Variants in SH3RF1 observed in about 807,000 individuals in gnomAD.
SH3RF1 encodes the protein E3 ubiquitin-protein ligase SH3RF1.
SH3RF1 carries 32 observed loss-of-function variants against 74.0 expected under a neutral mutation model. That is an observed-to-expected ratio of 0.43 (90% CI 0.33 to 0.58). The LOEUF (loss-of-function observed/expected upper bound fraction) is 0.58. SH3RF1 is among the 20% of genes least tolerant of loss of function. The pLI, the probability that SH3RF1 is intolerant of heterozygous loss-of-function variation, is 0.05. For synonymous variants in SH3RF1, 396 were observed against 439.6 expected, an observed-to-expected ratio of 0.90 and a Z score of 1.24; for missense variants, 954 against 1,130.9, an observed-to-expected ratio of 0.84 and a Z score of 2.24.
intron 2 of SH3RF1, among the ~76,000 whole-genome samples, chr4:169,234,181 A>T (rs1432297031): frequency 8.5e-5 from 13 of 152,240 alleles, no homozygotes; most frequent in Admixed American, 7.8e-4. Context: ...AACGTGTGAC[A>T]ATGTCAATTT....
intron 2 of SH3RF1, among the ~76,000 whole-genome samples, chr4:169,208,497 T>C (rs1730300491): frequency 6.6e-6 from 1 of 152,240 alleles, no homozygotes; most frequent in Non-Finnish European, 1.5e-5. Context: ...CTTAAAAATA[T>C]GAGTGTATGT....
rs377302343 is a variant in SH3RF1, at chr4:169,268,828, G to A, written c.385C>T (p.Pro129Ser). Residue 129 changes from proline (P) to serine (S), a missense_variant, in exon 2 of 12, where the codon CCA becomes TCA. Physicochemically the swap from Pro to Ser is moderately conservative, Grantham distance 74. Around this residue, in one of 3 missense-constraint regions of SH3RF1, gnomAD observed 854 missense variants for 962.5 expected, o/e 0.89. Coordinates refer to ENST00000284637, the MANE Select transcript of SH3RF1 (RefSeq NM_020870.4). ...CTCTGTAGGCTACTTACCCTCACTG[G>A]GGGGCTCCAGGATTGCACCCGAGGC... ...QQPRVQSWSPPVRGIPQLPCA... is the reference protein window; with the variant it reads ...QQPRVQSWSPSVRGIPQLPCA... 1 of 1,593,436 alleles carries A rather than the reference G, an allele frequency of 6.3e-7. No individual in the cohort carries two copies. Among genetic ancestry groups the A allele is most frequent in the Non-Finnish European group, 8.5e-7 (1 of 1,171,384 alleles).
At chr4:169,152,079 T>C (rs577287962) in intron 4 of SH3RF1, among the ~76,000 whole-genome samples, 3 of 152,274 alleles carry the variant, frequency 2.0e-5, no homozygotes, top group Admixed American at 6.5e-5. Flanking sequence ...ATTCAGTCCT[T>C]AAAAAATATA....
At chr4:169,135,507 C>T (rs1365612171) in intron 5 of SH3RF1, among the ~76,000 whole-genome samples, 1 of 152,160 alleles carries the variant, frequency 6.6e-6, no homozygotes. Context: ...GAACAAAATA[C>T]AGCCATCACC....
At chr4:169,212,710 A>C (rs1016583302) in intron 2 of SH3RF1, among the ~76,000 whole-genome samples, 1 of 152,150 alleles carries the variant, frequency 6.6e-6, no homozygotes, top group Non-Finnish European at 1.5e-5. Flanking sequence ...AAGCATCATC[A>C]ACCTAAGTCC....
intron 2 of SH3RF1, among the ~76,000 whole-genome samples, chr4:169,225,759 T>C (rs1049113913): frequency 6.6e-6 from 1 of 151,978 alleles, no homozygotes; most frequent in Non-Finnish European, 1.5e-5. Context: ...TGAGGGTAGG[T>C]TGGGTGAGTG....
At chr4:169,113,012 TAGC>T (rs1454648483) in intron 10 of SH3RF1, among the ~76,000 whole-genome samples, 1 of 152,030 alleles carries the variant, frequency 6.6e-6, no homozygotes, top group Non-Finnish European at 1.5e-5. Context: ...CAGAGAAAAA[TAGC>T]AGAAGAAATG....
intron 2 of SH3RF1, among the ~76,000 whole-genome samples, chr4:169,184,785 G>C (rs973396335): frequency 1.3e-5 from 2 of 152,154 alleles, no homozygotes; most frequent in Non-Finnish European, 2.9e-5. Context: ...CTGCACTCTA[G>C]GGTGTACAAT....
At chr4:169,118,830 G>A (rs949036987) in intron 8 of SH3RF1, among the ~76,000 whole-genome samples, 4 of 152,150 alleles carry the variant, frequency 2.6e-5, no homozygotes, top group Non-Finnish European at 5.9e-5. Flanking sequence ...CAGGGCCAGT[G>A]TGAAATAACT....
intron 8 of SH3RF1, 118 bp from the exon 9 acceptor site, chr4:169,117,900 T>C: frequency 8.1e-7 from 1 of 1,231,078 alleles, no homozygotes; most frequent in Middle Eastern, 2.0e-4. Flanking sequence ...AAAAAATGAA[T>C]GGAATTATTT....
intron 2 of SH3RF1, among the ~76,000 whole-genome samples, chr4:169,212,042 T>TTTTTC (rs1472989111): frequency 7.3e-5 from 11 of 150,072 alleles, no homozygotes; most frequent in Admixed American, 2.0e-4. Context: ...TTCTAATTTT[T>TTTTTC]TTTTCTTTTC....
At chr4:169,227,521 T>C (rs1180085150) in intron 2 of SH3RF1, among the ~76,000 whole-genome samples, 1 of 152,268 alleles carries the variant, frequency 6.6e-6, no homozygotes, top group African/African-American at 2.4e-5. Flanking sequence ...GAACTTGTAA[T>C]GGAGCCCACA....
chr4:169,249,267 T>C (rs1350779280), intron 2 of SH3RF1, among the ~76,000 whole-genome samples: 1 of 152,110 alleles, frequency 6.6e-6, no homozygotes, highest in African/African-American at 2.4e-5. Flanking sequence ...AATTAGGCCA[T>C]GAGGGCTCCT....
At chr4:169,157,414 G>A (rs1406468800) in intron 2 of SH3RF1, among the ~76,000 whole-genome samples, 2 of 152,242 alleles carry the variant, frequency 1.3e-5, no homozygotes, top group Admixed American at 6.5e-5. Flanking sequence ...GATAAGCTAA[G>A]AGATGAGGAA....
chr4:169,174,803 C>G (rs563898198), intron 2 of SH3RF1, among the ~76,000 whole-genome samples: 2 of 152,124 alleles, frequency 1.3e-5, no homozygotes, highest in South Asian at 4.2e-4. Context: ...CAGAAGCATA[C>G]GGATTTTGAA....
At chr4:169,247,283 G>A (rs1477312460) in intron 2 of SH3RF1, among the ~76,000 whole-genome samples, 1 of 152,212 alleles carries the variant, frequency 6.6e-6, no homozygotes, top group Non-Finnish European at 1.5e-5. Flanking sequence ...TGGTAAACAG[G>A]AGAGGCAGAC....
intron 2 of SH3RF1, among the ~76,000 whole-genome samples, chr4:169,236,323 T>C (rs538749742): frequency 3.9e-5 from 6 of 152,320 alleles, no homozygotes; most frequent in South Asian, 2.1e-4. Context: ...CCTGGAAGCA[T>C]GTGCTGAGAT....
chr4:169,159,252 A>C (rs139482224), intron 2 of SH3RF1, among the ~76,000 whole-genome samples: 2 of 152,180 alleles, frequency 1.3e-5, no homozygotes, highest in East Asian at 3.9e-4. Context: ...ATTTTTCTCT[A>C]CCCTCACAGA....
intron 2 of SH3RF1, among the ~76,000 whole-genome samples, chr4:169,248,520 G>C (rs1396157739): frequency 6.6e-6 from 1 of 152,156 alleles, no homozygotes; most frequent in Non-Finnish European, 1.5e-5. Context: ...AGAACATTAG[G>C]ACAAATACCT....
Sources: gnomAD v4.1 joint callset for allele counts (sites outside exome capture counted in the v4.1 genomes callset) on GRCh38, gnomAD v4.1.1 for gene constraint, gnomAD v4.1.1 regional missense constraint, MANE v1.5 for transcripts, NCBI Gene and HGNC (gene_info 2026-07-23, HGNC 2026-07-21) for gene names.